Variants in NTRK1 observed in about 807,000 individuals in gnomAD.
NTRK1 encodes neurotrophic receptor tyrosine kinase 1, also known as high affinity nerve growth factor receptor.
A neutral mutation model predicts 86.8 loss-of-function variants in NTRK1; 62 were observed. The ratio of observed to expected loss-of-function variants is 0.71; its 90% CI spans 0.58 to 0.88. NTRK1 has a LOEUF of 0.88. Among genes scored for constraint, NTRK1 ranks in the 40% least tolerant of loss-of-function variants. The pLI is 0.00. For synonymous variants in NTRK1, 469 were observed against 456.6 expected, an observed-to-expected ratio of 1.03 and a Z score of -0.35; for missense variants, 967 against 1,078.4, an observed-to-expected ratio of 0.90 and a Z score of 1.45.
upstream of NTRK1, among the ~76,000 whole-genome samples, chr1:156,857,157 CTGTGTATGTGTGTGTGTGTGTGTGTG>C (rs749732757): frequency 1.3e-3 from 160 of 121,390 alleles, no homozygotes; most frequent in African/African-American, 4.9e-3. Context: ...TGCCCAGCAG[CTGTGTATGTGTGTGTGTGTGTGTGTG>C]TGTGTGTGTG....
In NTRK1 at chr1:156,843,251, G is replaced by T. The variant is rs748035320; in HGVS notation, c.50+1058G>T. ...GACATACACTGCAAGGAGGTGGAGG[G>T]TCACAAAGCGAGGATGCTGCTCTCT... is the stretch of plus-strand genomic sequence containing the variant. On this transcript the variant is annotated intron_variant, in intron 2 of 16. Transcript: ENST00000392302. 4 of 1,610,192 alleles carry T rather than the reference G, an allele frequency of 2.5e-6. No homozygotes were observed. The Admixed American group carries it at 5.0e-5, about 20-fold the overall frequency.
In NTRK1 at chr1:156,845,416, G is replaced by C. The variant is rs369747098; in HGVS notation, c.50+3223G>C. The C allele has an allele frequency of 1.9e-6, 3 of 1,551,388 alleles. No homozygotes were observed. The African/African-American group carries it at 4.1e-5, about 21-fold the overall frequency. On this transcript the variant is annotated intron_variant, in intron 2 of 16. Coordinates refer to the NTRK1 transcript ENST00000392302. ...TGGACGTCACCTTCCAAGGGGATCT[G>C]GGGAGGCCAGGAGTAGCCCTATCAG...
rs1173071282 is a variant in NTRK1 at position 156,880,070 on chromosome 1, C to T, written c.2118C>T (p.Thr706=). The T allele has an allele frequency of 7.4e-6, 12 of 1,613,742 alleles. No homozygotes were observed. The highest frequency in any genetic ancestry group is 3.3e-5 in the South Asian group (3 of 91,064). The change falls in exon 16 of 17, where the codon ACC becomes ACT. Residue 706 remains threonine (T), a synonymous_variant. Transcript: ENST00000524377. ...PESILYRKFT[T]ESDVWSFGVV... is the part of the protein sequence containing the mutation. ...GCATCCTGTACCGTAAGTTCACCAC[C>T]GAGAGCGACGTGTGGAGCTTCGGCG...
chr1:156,846,480 C>A, intron 2 of NTRK1: 1 of 1,505,294 alleles, frequency 6.6e-7, no homozygotes, highest in Non-Finnish European at 9.2e-7. Flanking sequence ...CTCATGGATG[C>A]AGGCGTCTGA....
Position 156,874,908 on chromosome 1 carries a change from C to A in NTRK1, c.1254C>A (p.Val418=), listed in dbSNP as rs1647802837. The change falls in exon 11 of 17, where the codon GTC becomes GTA. Residue 418 remains valine, a splice_region_variant and synonymous_variant. Coordinates refer to ENST00000524377, the MANE Select transcript of NTRK1 (RefSeq NM_002529.4). ...VEKKDETPFG[V]SVAVGLAVFA... is the part of the protein sequence containing the mutation. Reference sequence around the variant, plus strand: ...TAACTACCCCTGTCCCCCACCAGGTCTCGGTGGCTGTGGGCCTGGCCGTCT... The same window carrying A: ...TAACTACCCCTGTCCCCCACCAGGTATCGGTGGCTGTGGGCCTGGCCGTCT... The A allele has an allele frequency of 6.2e-7, 1 of 1,611,860 alleles. No homozygotes were observed.
At chr1:156,869,023 CCTTCCTT>C (rs1647378569) in intron 6 of NTRK1, among the ~76,000 whole-genome samples, 3 of 37,694 alleles carry the variant, frequency 8.0e-5, no homozygotes, top group Non-Finnish European at 2.0e-4. Context: ...TCTCTCCCTT[CCTTCCTT>C]CCTTCCTTCC....
In NTRK1 at chr1:156,841,088, G is replaced by A. The variant is rs775510328; in HGVS notation, c.-63-993G>A. ...AGGCGTGGGTTCGGCTGCCAGCAGC[G>A]GCTCATCAGCTCCTGCCTGGTGGGT... is the stretch of plus-strand genomic sequence containing the variant. On this transcript the variant is annotated intron_variant, in intron 1 of 16. Transcript: ENST00000392302. The A allele has an allele frequency of 4.9e-5, 77 of 1,562,658 alleles. No homozygotes were observed. The East Asian group carries it at 1.7e-3, about 34-fold the overall frequency.
At chr1:156,875,879 C>T in intron 12 of NTRK1, 1 of 1,080,876 alleles carries the variant, frequency 9.3e-7, no homozygotes, top group Non-Finnish European at 1.4e-6. Context: ...ACAGCTAGCC[C>T]AAACCATGTC....
upstream of NTRK1, among the ~76,000 whole-genome samples, chr1:156,857,705 C>G (rs192927756): frequency 6.6e-6 from 1 of 152,344 alleles, no homozygotes; most frequent in East Asian, 1.9e-4. Context: ...TCCCCTGCCC[C>G]TGGGAGCCCC....
chr1:156,849,000 G>C, intron 2 of NTRK1: 1 of 1,613,048 alleles, frequency 6.2e-7, no homozygotes, highest in Non-Finnish European at 8.5e-7. Flanking sequence ...AGCAGGATGC[G>C]GTCTGCCTCC....
At chr1:156,818,523 G>A (rs772192720) in intron 1 of NTRK1, among the ~76,000 whole-genome samples, 2 of 152,072 alleles carry the variant, frequency 1.3e-5, no homozygotes, top group African/African-American at 2.4e-5. Context: ...TCACTCTCAT[G>A]CCTTTGTGTC....
intron 7 of NTRK1, among the ~76,000 whole-genome samples, chr1:156,872,320 C>A (rs1647610751): frequency 6.6e-6 from 1 of 152,174 alleles, no homozygotes; most frequent in Non-Finnish European, 1.5e-5. Flanking sequence ...GCAATCCCAT[C>A]CCACTCTCCC....
rs900993460 is a variant in NTRK1, at chr1:156,827,214, C to T, written c.-64+11376C>T. 3.3e-5 allele frequency among the ~76,000 whole-genome samples: 5 copies of T among 151,850 alleles called. No homozygotes were observed. The East Asian group carries it at 7.7e-4, about 23-fold the overall frequency. On this transcript the variant is annotated intron_variant, in intron 1 of 16. Transcript: ENST00000392302. The stretch of plus-strand genomic sequence containing the variant: ...CCTCCACTTCAGCTTCCCAAATAGC[C>T]GGGACCACAGGTGCATGCCACCACA...
In NTRK1 at chr1:156,819,504, T is replaced by TTTTTTATTTTTA. The variant is rs55859036; in HGVS notation, c.-64+3681_-64+3692dup. ...GCTCACTTTTTGATGGGATTATTAT[T>TTTTTTATTTTTA]TTTTTATTTTTATTTTTATTTTTAT... On this transcript the variant is annotated intron_variant, in intron 1 of 16. Transcript: ENST00000392302. Among the ~76,000 whole-genome samples the TTTTTTATTTTTA allele has an allele frequency of 1.0e-2, 1,468 of 147,160 alleles. 21 individuals are homozygous for TTTTTTATTTTTA. Among genetic ancestry groups the TTTTTTATTTTTA allele is most frequent in the African/African-American group, 0.034 (1,371 of 40,330 alleles).
rs1225476779 is a variant in NTRK1, at chr1:156,854,399, G to A, written c.51-9955G>A. 1 of 1,256,058 alleles carries A rather than the reference G, an allele frequency of 8.0e-7. No individual in the cohort carries two copies. Among genetic ancestry groups the A allele is most frequent in the Non-Finnish European group, 1.1e-6 (1 of 917,478 alleles). 77.8% of individuals were successfully genotyped at this position (1,256,058 alleles called of 1,614,324 possible). On this transcript the variant is annotated intron_variant, in intron 2 of 16. Coordinates refer to the NTRK1 transcript ENST00000392302. The surrounding 1 kb of genome is among the most constrained non-coding windows in gnomAD (Gnocchi z 4.2). ...TGGAGGGGAGCCACACTGGCAGTAGGACAATGAGTGAGGAGCCGGGCTCTG... is the reference window on the plus strand; with the variant it reads ...TGGAGGGGAGCCACACTGGCAGTAGAACAATGAGTGAGGAGCCGGGCTCTG...
At chr1:156,849,511 G>T in intron 2 of NTRK1, 1 of 1,159,816 alleles carries the variant, frequency 8.6e-7, no homozygotes, top group South Asian at 1.3e-5. Flanking sequence ...GGCAGGGGGT[G>T]GGAAAGGGGA....
rs1571689751 is a variant in NTRK1 at position 156,868,213 on chromosome 1, C to T, written c.538C>T (p.Gln180Ter). The T allele has an allele frequency of 6.2e-7, 1 of 1,612,620 alleles. No homozygotes were observed. Among genetic ancestry groups the T allele is most frequent in the Non-Finnish European group, 8.5e-7 (1 of 1,180,036 alleles). The change falls in exon 5 of 17, where the codon CAA (glutamine) becomes TAA (stop). Residue 180 changes from glutamine (Q) to a stop codon, truncating the protein, a stop_gained. Coordinates refer to ENST00000524377, the MANE Select transcript of NTRK1 (RefSeq NM_002529.4). LOFTEE classifies it high-confidence loss of function. ...TGAACAGAAGCTGCAGTGTCATGGG[C>T]AAGGGCCCCTGGCCCACATGCCCAA... The part of the protein sequence containing the change: ...VPEQKLQCHG[Q>*]GPLAHMPNAS...
chr1:156,820,290 AG>A (rs1331844059), intron 1 of NTRK1, among the ~76,000 whole-genome samples: 4 of 152,204 alleles, frequency 2.6e-5, no homozygotes, highest in Non-Finnish European at 5.9e-5. Flanking sequence ...TCTGTCACCA[AG>A]GCTGTAATGC....
intron 1 of NTRK1, chr1:156,841,018 A>G: frequency 1.2e-6 from 2 of 1,608,178 alleles, no homozygotes; most frequent in Non-Finnish European, 1.7e-6. Flanking sequence ...GGAGGGCCGC[A>G]GCTCCTCCTG....
Sources: allele counts gnomAD v4.1 joint callset (sites outside exome capture counted in the v4.1 genomes callset), GRCh38; gene constraint gnomAD v4.1.1; non-coding constraint Gnocchi (gnomAD v3.1); transcripts MANE v1.5; gene names NCBI Gene and HGNC (gene_info 2026-07-23, HGNC 2026-07-21).